RALGPS1: variants seen among roughly 807,000 people sequenced by gnomAD.
RALGPS1 encodes the protein ras-specific guanine nucleotide-releasing factor RalGPS1.
In RALGPS1, 19 loss-of-function variants were observed where a neutral mutation model predicts 78.8. The observed-to-expected ratio is 0.24, with a 90% CI of 0.17 to 0.35. The LOEUF (loss-of-function observed/expected upper bound fraction) is 0.35, where lower values mean the gene tolerates loss of function less well. Ranked by LOEUF, RALGPS1 falls within the 10% of genes least tolerant of loss-of-function variation. The pLI is 1.00. For missense variants in RALGPS1, 454 were observed against 688.3 expected (o/e 0.66, Z 3.81); for synonymous variants, 228 against 256.3 (o/e 0.89, Z 1.06).
Position 127,168,762 on chromosome 9 carries a change from G to A in RALGPS1, c.832G>A (p.Asp278Asn), listed in dbSNP as rs1158840802. The A allele has an allele frequency of 5.0e-6, 8 of 1,608,032 alleles. No individual in the cohort carries two copies. The highest frequency in any genetic ancestry group is 1.1e-5 in the South Asian group (1 of 90,940). ...IEELQKFVED[D>N]NYKLSLRIEP... ...AGAGCTCCAGAAGTTTGTGGAAGAC[G>A]ACAACTACAAGTAAGTCCCCACGTA... Residue 278 changes from aspartate (D) to asparagine (N), a missense_variant, in exon 10 of 19, where the codon GAC becomes AAC. Asp to Asn is a conservative substitution (Grantham distance 23, BLOSUM62 1). Coordinates refer to ENST00000259351, the MANE Select transcript of RALGPS1 (RefSeq NM_014636.3).
Position 127,222,689 on chromosome 9 carries a change from G to C in RALGPS1, c.*3920G>C, listed in dbSNP as rs1052283027. On this transcript the variant is annotated 3_prime_UTR_variant, in exon 19 of 19. Transcript: ENST00000259351. The stretch of plus-strand genomic sequence containing the variant: ...TCTCTTTATCCATTGCTGAACGACT[G>C]TGACTATTCAGTAACGAAGTAATAG... 2.6e-5 allele frequency: 4 copies of C among 152,616 alleles called. No homozygotes were observed. Among genetic ancestry groups the C allele is most frequent in the African/African-American group, 9.6e-5 (4 of 41,456 alleles). The allele number at this position is 152,616 out of a possible 1,614,324, so 9.5% of individuals were successfully genotyped here.
intron 7 of RALGPS1, among the ~76,000 whole-genome samples, chr9:127,057,994 G>A (rs1279914474): frequency 6.6e-6 from 1 of 152,228 alleles, no homozygotes; most frequent in Admixed American, 6.5e-5. Flanking sequence ...TGCTTCCCTA[G>A]TGTCATGCTA....
Position 127,205,443 on chromosome 9 carries a change from G to A in RALGPS1, c.1247+6377G>A, listed in dbSNP as rs1201709448. 6.6e-5 allele frequency among the ~76,000 whole-genome samples: 10 copies of A among 152,230 alleles called. No homozygotes were observed. The highest frequency in any genetic ancestry group is 2.9e-5 in the Non-Finnish European group (2 of 68,034). ...GGCTCCAGCCAGCAGACTGAGAGAA[G>A]TCTGCAGAGAGAAGAGTGCACAAAG... On this transcript the variant is annotated intron_variant, in intron 14 of 18. Transcript: ENST00000259351. The surrounding 1 kb of genome is among the most constrained non-coding windows in gnomAD (Gnocchi z 4.0).
intron 3 of RALGPS1, 89 bp downstream of exon 3, chr9:126,966,040 A>G (rs1476195738): frequency 2.2e-6 from 2 of 908,800 alleles, no homozygotes; most frequent in Non-Finnish European, 3.7e-6. Context: ...TCAGATTGGA[A>G]ACATTCTATA....
At chr9:127,210,826 G>A (rs573960601) in intron 14 of RALGPS1, 1 of 1,479,104 alleles carries the variant, frequency 6.8e-7, no homozygotes. Flanking sequence ...AGCTTGTTAT[G>A]TGGCCTTTTG....
At chr9:126,985,576 G>A (rs547534536) in intron 4 of RALGPS1, among the ~76,000 whole-genome samples, 10 of 152,012 alleles carry the variant, frequency 6.6e-5, no homozygotes, top group East Asian at 5.8e-4. Context: ...ATATTATCCC[G>A]TCATATATAT....
At chr9:126,921,126 G>A (rs1428320727) in intron 1 of RALGPS1, among the ~76,000 whole-genome samples, 6 of 152,234 alleles carry the variant, frequency 3.9e-5, no homozygotes, top group Non-Finnish European at 8.8e-5. Flanking sequence ...GATGCTGTGG[G>A]AGAACCAAGA....
At chr9:126,981,753 G>C (rs896649514) in intron 4 of RALGPS1, among the ~76,000 whole-genome samples, 7 of 152,172 alleles carry the variant, frequency 4.6e-5, no homozygotes, top group Admixed American at 3.3e-4. Flanking sequence ...CATGATTACT[G>C]TATTAGTCCT....
chr9:127,030,577 G>A (rs1021344437), intron 4 of RALGPS1, among the ~76,000 whole-genome samples: 11 of 152,108 alleles, frequency 7.2e-5, no homozygotes, highest in Non-Finnish European at 1.3e-4. Flanking sequence ...AGTTTAAGTC[G>A]TTCTCTTGCA....
chr9:126,942,140 A>G (rs1460747182), intron 1 of RALGPS1, among the ~76,000 whole-genome samples: 1 of 152,200 alleles, frequency 6.6e-6, no homozygotes, highest in Non-Finnish European at 1.5e-5. Flanking sequence ...TTAATTCATC[A>G]TCTGTCATGT....
chr9:127,097,376 G>A (rs1045210472), intron 8 of RALGPS1, among the ~76,000 whole-genome samples: 7 of 152,234 alleles, frequency 4.6e-5, no homozygotes, highest in African/African-American at 1.7e-4. Flanking sequence ...TACAAAAAAT[G>A]TGCATATGTG....
intron 6 of RALGPS1, among the ~76,000 whole-genome samples, chr9:127,050,829 G>A (rs908636688): frequency 1.3e-5 from 2 of 152,264 alleles, no homozygotes; most frequent in East Asian, 1.9e-4. Context: ...TGGCTGTTTC[G>A]CTGCTTGCTT....
rs111644906 is a variant in RALGPS1, at chr9:127,154,852, C to A, written c.611-11217C>A. Reference sequence around the variant, plus strand: ...TGGCCGGGATCCTGGTGGCCTCGGACGTTTGGGGAGCCTTTCTGTGCACAG... The same window carrying A: ...TGGCCGGGATCCTGGTGGCCTCGGAAGTTTGGGGAGCCTTTCTGTGCACAG... On this transcript the variant is annotated intron_variant, in intron 8 of 18. Coordinates refer to ENST00000259351, the MANE Select transcript of RALGPS1 (RefSeq NM_014636.3). Among the ~76,000 whole-genome samples, 4 of 152,280 alleles carry A rather than the reference C, an allele frequency of 2.6e-5. No homozygotes were observed. In the East Asian group the frequency reaches 7.7e-4, roughly 29 times the overall value.
chr9:126,968,861 C>A (rs1440797860), intron 3 of RALGPS1, among the ~76,000 whole-genome samples: 4 of 152,144 alleles, frequency 2.6e-5, no homozygotes, highest in African/African-American at 9.7e-5. Context: ...CCAGTTTGAT[C>A]GACATAGAGA....
intron 7 of RALGPS1, among the ~76,000 whole-genome samples, chr9:127,059,617 C>T (rs1040257381): frequency 3.3e-5 from 5 of 152,072 alleles, no homozygotes; most frequent in Admixed American, 6.6e-5. Context: ...TTGGTGGTCT[C>T]ATCTGCTTGG....
chr9:127,045,843 C>T (rs946215717), intron 5 of RALGPS1, among the ~76,000 whole-genome samples: 13 of 151,570 alleles, frequency 8.6e-5, no homozygotes, highest in Non-Finnish European at 5.9e-5. Flanking sequence ...CGATGATACC[C>T]CAGTAGCAGC....
chr9:127,014,818 T>A (rs945042689), intron 4 of RALGPS1, among the ~76,000 whole-genome samples: 22 of 152,122 alleles, frequency 1.4e-4, no homozygotes, highest in African/African-American at 5.3e-4. Flanking sequence ...CACTCCCTGG[T>A]CTCCTGTGTG....
At chr9:126,920,120 T>C (rs2034603802) in intron 1 of RALGPS1, among the ~76,000 whole-genome samples, 1 of 152,192 alleles carries the variant, frequency 6.6e-6, no homozygotes, top group Non-Finnish European at 1.5e-5. Context: ...TCTCCTGCTT[T>C]CTTTGCTGCT....
Position 127,091,575 on chromosome 9 carries a change from G to C in RALGPS1, c.610+22219G>C. ...TTGGCCCAGCTGCTTCTCACCCTGG[G>C]ATCTTCCCGTTTCCAAGCCCTGGAG... On this transcript the variant is annotated intron_variant, in intron 8 of 18. Coordinates refer to ENST00000259351, the MANE Select transcript of RALGPS1 (RefSeq NM_014636.3). This position sits in a 1 kb window ranked among gnomAD's most constrained non-coding sequence, Gnocchi z 4.3. The C allele has an allele frequency of 6.6e-7, 1 of 1,503,936 alleles. No homozygotes were observed. 93.2% of individuals were successfully genotyped at this position (1,503,936 alleles called of 1,614,324 possible). A position where few individuals can be genotyped will look rare whatever the true frequency, so the allele number is the denominator to read the frequency against.
Sources: gnomAD v4.1 joint callset for allele counts (sites outside exome capture counted in the v4.1 genomes callset) on GRCh38, gnomAD v4.1.1 for gene constraint, Gnocchi (gnomAD v3.1) non-coding constraint, MANE v1.5 for transcripts, NCBI Gene and HGNC (gene_info 2026-07-23, HGNC 2026-07-21) for gene names.